The following CLASRP variants were observed in gnomAD, a reference collection of about 807,000 sequenced individuals.
The protein encoded by CLASRP is CLK4-associating serine/arginine rich protein.
CLASRP carries 52 observed loss-of-function variants against 99.9 expected under a neutral mutation model. The observed-to-expected ratio is 0.52, with a 90% CI of 0.42 to 0.66. The LOEUF (loss-of-function observed/expected upper bound fraction) is 0.66. Among genes scored for constraint, CLASRP ranks in the 30% least tolerant of loss-of-function variants. The pLI is 0.00. For missense variants in CLASRP, 848 were observed against 999.2 expected (o/e 0.85, Z 2.04); for synonymous variants, 379 against 373.0 (o/e 1.02, Z -0.18).
chr19:45,052,494 T>TC (rs1354147376), intron 3 of CLASRP, among the ~76,000 whole-genome samples: 1 of 152,028 alleles, frequency 6.6e-6, no homozygotes. Flanking sequence ...TCAAATACCC[T>TC]CTAGGACCTG....
chr19:45,067,255 A>G lies in CLASRP; in HGVS notation c.1410-82A>G. The G allele has an allele frequency of 7.1e-7, 1 of 1,403,114 alleles. No individual in the cohort carries two copies. Among genetic ancestry groups the G allele is most frequent in the African/African-American group, 1.5e-5 (1 of 68,954 alleles). 86.9% of individuals were successfully genotyped at this position (1,403,114 alleles called of 1,614,324 possible). A position where few individuals can be genotyped will look rare whatever the true frequency, so the allele number is the denominator to read the frequency against. On this transcript the variant is annotated intron_variant, in intron 13 of 20. Transcript: ENST00000221455. This position sits in a 1 kb window ranked among gnomAD's most constrained non-coding sequence, Gnocchi z 4.9. Reference sequence around the variant, plus strand: ...CACCCTGGGCCTTGCAGGAAGGAGGACTGTGGATCCGGACCCAGGGTGGGG... The same window carrying G: ...CACCCTGGGCCTTGCAGGAAGGAGGGCTGTGGATCCGGACCCAGGGTGGGG...
chr19:45,051,015 G>A (rs1972013346), intron 2 of CLASRP, among the ~76,000 whole-genome samples: 1 of 151,782 alleles, frequency 6.6e-6, no homozygotes, highest in South Asian at 2.1e-4. Flanking sequence ...CACTATGCCC[G>A]ACCCACTGCT....
intron 2 of CLASRP, among the ~76,000 whole-genome samples, chr19:45,042,412 G>A (rs954933757): frequency 2.6e-5 from 4 of 151,794 alleles, no homozygotes; most frequent in Non-Finnish European, 4.4e-5. Context: ...CCAGCTACTC[G>A]GGAGGCTGAG....
chr19:45,059,433 G>A (rs549395326), intron 8 of CLASRP, 69 bp downstream of exon 8: 139 of 1,257,008 alleles, frequency 1.1e-4, no homozygotes, highest in Admixed American at 1.6e-4. Context: ...TATTACTCCC[G>A]GTATTGACAG....
At chr19:45,069,748 C>G in intron 18 of CLASRP, 1 of 492,528 alleles carries the variant, frequency 2.0e-6, no homozygotes, top group South Asian at 2.5e-5. Flanking sequence ...TCAACACTCA[C>G]TGTGTGCAGG....
chr19:45,068,536 G>A, intron 16 of CLASRP, 56 bp downstream of exon 16: 1 of 1,309,442 alleles, frequency 7.6e-7, no homozygotes, highest in Non-Finnish European at 1.1e-6. Flanking sequence ...CTTGGCAGTG[G>A]GAGCAAGGAG....
At chr19:45,066,447 T>A (rs1967088746) in intron 13 of CLASRP, among the ~76,000 whole-genome samples, 1 of 151,708 alleles carries the variant, frequency 6.6e-6, no homozygotes, top group Admixed American at 6.6e-5. Flanking sequence ...CAACAAATTT[T>A]TATTTTATAA....
intron 2 of CLASRP, among the ~76,000 whole-genome samples, chr19:45,045,047 A>T (rs980185135): frequency 2.0e-5 from 3 of 152,232 alleles, no homozygotes; most frequent in African/African-American, 7.2e-5. Context: ...CAGAAAAGCC[A>T]AGAGGTAACC....
Position 45,067,319 on chromosome 19 carries a change from G to C in CLASRP, c.1410-18G>C, listed in dbSNP as rs774844876. ...CCTGGAGCCTCACAGTCCTCCTCCC[G>C]CCCTGCTGCATCCCCAGGAGCCGCT... On this transcript the variant is annotated intron_variant, in intron 13 of 20. Transcript: ENST00000221455. The surrounding 1 kb of genome is among the most constrained non-coding windows in gnomAD (Gnocchi z 4.9). The C allele has an allele frequency of 6.7e-7, 1 of 1,491,014 alleles. No homozygotes were observed. The highest frequency in any genetic ancestry group is 1.4e-5 in the African/African-American group (1 of 71,824). The allele number at this position is 1,491,014 out of a possible 1,614,324, so 92.4% of individuals were successfully genotyped here.
At chr19:45,069,337 G>C in intron 18 of CLASRP, 89 bp downstream of exon 18, 1 of 1,342,646 alleles carries the variant, frequency 7.4e-7, no homozygotes, top group East Asian at 2.4e-5. Context: ...GCCCTGCCCA[G>C]CTCCCTGTGG....
At chr19:45,068,331 C>CG in intron 15 of CLASRP, 89 bp from the exon 16 acceptor site, 2 of 647,098 alleles carry the variant, frequency 3.1e-6, no homozygotes, top group Non-Finnish European at 5.6e-6. Flanking sequence ...ACCCCCCCCC[C>CG]GCACAAAGCC....
At chr19:45,068,654 G>A (rs1163864529) in intron 16 of CLASRP, among the ~76,000 whole-genome samples, 174 bp downstream of exon 16, 1 of 151,720 alleles carries the variant, frequency 6.6e-6, no homozygotes, top group Non-Finnish European at 1.5e-5. Flanking sequence ...CGCTATGCTG[G>A]GGCCTCTGCA....
intron 18 of CLASRP, chr19:45,069,608 G>T: frequency 2.1e-6 from 1 of 479,760 alleles, no homozygotes; most frequent in Non-Finnish European, 3.8e-6. Flanking sequence ...CTCCTAAATG[G>T]AGATACAGTC....
chr19:45,069,026 TAAG>T (rs761839980), intron 16 of CLASRP, 37 bp from the exon 17 acceptor site: 2 of 1,577,118 alleles, frequency 1.3e-6, no homozygotes, highest in African/African-American at 2.7e-5. Context: ...GTGGGGCTCT[TAAG>T]GGAACCCCTC....
At position 45,064,436 on chromosome 19, in the gene CLASRP, TG is replaced by T; in HGVS notation, c.1220del (p.Gly407AlafsTer102). 6.6e-7 allele frequency: 1 copy of T among 1,525,220 alleles called. No homozygotes were observed. The allele number at this position is 1,525,220 out of a possible 1,614,324, so 94.5% of individuals were successfully genotyped here. ...GCTCCAGCTCCCGCTCTCGCCGTGGTGGGGGCTACTACCGTTCCGGCCGCCA... is the reference window on the plus strand; with the variant it reads ...GCTCCAGCTCCCGCTCTCGCCGTGGTGGGGCTACTACCGTTCCGGCCGCCA... ...SRSSSRSRRG[G>X]GYYRSGRHAR... On this transcript the variant is annotated frameshift_variant, in exon 13 of 21. Coordinates refer to ENST00000221455, the MANE Select transcript of CLASRP (RefSeq NM_007056.3). LOFTEE classifies it high-confidence loss of function.
chr19:45,042,179 T>C (rs1359976374), intron 2 of CLASRP, among the ~76,000 whole-genome samples: 1 of 152,080 alleles, frequency 6.6e-6, no homozygotes, highest in East Asian at 1.9e-4. Context: ...TCGTCTCTAC[T>C]AAAAATACAG....
chr19:45,068,177 G>C, intron 15 of CLASRP, 123 bp downstream of exon 15: 1 of 816,598 alleles, frequency 1.2e-6, no homozygotes, highest in Non-Finnish European at 2.1e-6. Flanking sequence ...GGACAGGGAG[G>C]GGAGGGGAAG....
intron 7 of CLASRP, among the ~76,000 whole-genome samples, chr19:45,059,006 C>T (rs2122576105): frequency 6.6e-6 from 1 of 152,216 alleles, no homozygotes; most frequent in Admixed American, 6.5e-5. Flanking sequence ...TCCATCTCTC[C>T]CTTCTCTTTC....
chr19:45,046,490 C>T (rs1971919057), intron 2 of CLASRP, among the ~76,000 whole-genome samples: 1 of 152,240 alleles, frequency 6.6e-6, no homozygotes, highest in Non-Finnish European at 1.5e-5. Context: ...AAGTCTGGGT[C>T]AGGTGTTCCC....
Sources: allele counts gnomAD v4.1 joint callset (sites outside exome capture counted in the v4.1 genomes callset), GRCh38; gene constraint gnomAD v4.1.1; non-coding constraint Gnocchi (gnomAD v3.1); transcripts MANE v1.5; gene names NCBI Gene and HGNC (gene_info 2026-07-23, HGNC 2026-07-21).